GABRA2: variants seen among roughly 807,000 people sequenced by gnomAD.
The protein encoded by GABRA2 is gamma-aminobutyric acid type A receptor subunit alpha2.
A neutral mutation model predicts 48.7 loss-of-function variants in GABRA2; 16 were observed. The ratio of observed to expected loss-of-function variants is 0.33; its 90% CI spans 0.22 to 0.50. The LOEUF is 0.50. Ranked by LOEUF, GABRA2 falls within the 20% of genes least tolerant of loss-of-function variation. GABRA2 has a pLI of 0.98. For missense variants in GABRA2, 275 were observed against 535.6 expected (o/e 0.51, Z 4.80); for synonymous variants, 185 against 184.5 (o/e 1.00, Z -0.02).
chr4:46,361,089 A>C (rs1280672558), intron 3 of GABRA2, among the ~76,000 whole-genome samples: 1 of 152,234 alleles, frequency 6.6e-6, no homozygotes, highest in Non-Finnish European at 1.5e-5. Flanking sequence ...ATGCAATAGA[A>C]AAGAAAATCC....
chr4:46,333,573 G>T (rs1731729168), intron 3 of GABRA2, among the ~76,000 whole-genome samples: 1 of 151,910 alleles, frequency 6.6e-6, no homozygotes, highest in African/African-American at 2.4e-5. Context: ...TATTATACTA[G>T]ACATTAATTT....
At chr4:46,329,152 TA>T (rs1242331520) in intron 4 of GABRA2, among the ~76,000 whole-genome samples, 4 of 152,110 alleles carry the variant, frequency 2.6e-5, no homozygotes, top group Non-Finnish European at 4.4e-5. Flanking sequence ...TTCCCTGTAT[TA>T]CACACTATTA....
chr4:46,295,474 G>A (rs1030659553), intron 8 of GABRA2, among the ~76,000 whole-genome samples: 4 of 152,192 alleles, frequency 2.6e-5, no homozygotes, highest in African/African-American at 9.7e-5. Flanking sequence ...AGCAGAAGAG[G>A]ACTTTAATAA....
At chr4:46,354,723 T>C (rs902969311) in intron 3 of GABRA2, among the ~76,000 whole-genome samples, 5 of 152,194 alleles carry the variant, frequency 3.3e-5, no homozygotes, top group African/African-American at 4.8e-5. Flanking sequence ...CTCAGCTACT[T>C]ACTCTCTTGA....
intron 2 of GABRA2, among the ~76,000 whole-genome samples, chr4:46,386,539 T>C (rs1717485759): frequency 6.6e-6 from 1 of 152,240 alleles, no homozygotes; most frequent in South Asian, 2.1e-4. Flanking sequence ...ATTGCTATTC[T>C]ACAGTTAGAA....
At chr4:46,386,442 A>T (rs1370588723) in intron 2 of GABRA2, among the ~76,000 whole-genome samples, 1 of 152,082 alleles carries the variant, frequency 6.6e-6, no homozygotes, top group East Asian at 1.9e-4. Context: ...CCCCTTTAAC[A>T]TTTTATGTGG....
intron 8 of GABRA2, among the ~76,000 whole-genome samples, chr4:46,302,217 C>G (rs1560499940): frequency 6.6e-6 from 1 of 151,932 alleles, no homozygotes; most frequent in Admixed American, 6.6e-5. Context: ...TATAGGTGTG[C>G]CACCAAGCTT....
intron 4 of GABRA2, among the ~76,000 whole-genome samples, chr4:46,331,464 G>A (rs546887612): frequency 5.3e-5 from 8 of 152,126 alleles, no homozygotes; most frequent in Non-Finnish European, 1.0e-4. Context: ...GTTTATGAAA[G>A]CCTATAAAAA....
intron 4 of GABRA2, among the ~76,000 whole-genome samples, chr4:46,318,493 C>T (rs555491603): frequency 1.3e-5 from 2 of 151,566 alleles, no homozygotes; most frequent in Non-Finnish European, 3.0e-5. Context: ...TCATGTGATT[C>T]CCTTAAATGC....
intron 3 of GABRA2, among the ~76,000 whole-genome samples, chr4:46,385,462 A>T (rs895915067): frequency 1.3e-5 from 2 of 152,018 alleles, no homozygotes; most frequent in African/African-American, 4.8e-5. Context: ...ATTTTTCTGA[A>T]TAAAAAATGT....
intron 3 of GABRA2, among the ~76,000 whole-genome samples, chr4:46,382,730 T>C (rs1440296591): frequency 2.0e-5 from 3 of 152,144 alleles, no homozygotes; most frequent in Admixed American, 2.0e-4. Context: ...ATTATTCCCA[T>C]TTTCCCAAAG....
rs1404563758 is a variant in GABRA2, at chr4:46,244,109, A to C, written c.*6199T>G. The C allele has an allele frequency of 6.6e-6, 1 of 151,556 alleles. No individual in the cohort carries two copies. The highest frequency in any genetic ancestry group is 1.5e-5 in the Non-Finnish European group (1 of 67,648). 9.4% of individuals were successfully genotyped at this position (151,556 alleles called of 1,614,324 possible). On this transcript the variant is annotated 3_prime_UTR_variant, in exon 10 of 10. Coordinates refer to ENST00000381620, the MANE Select transcript of GABRA2 (RefSeq NM_000807.4). Reference sequence around the variant, plus strand: ...CAAGATTAACAAGCAATAAGGACTTAACTGTGGATGGTAAAGTTTAATTCA... The same window carrying C: ...CAAGATTAACAAGCAATAAGGACTTCACTGTGGATGGTAAAGTTTAATTCA...
At chr4:46,292,561 A>G (rs28873227) in intron 8 of GABRA2, among the ~76,000 whole-genome samples, 59,946 of 152,044 alleles carry the variant, frequency 0.39, 12,269 homozygotes, top group East Asian at 0.52. Context: ...GAATTTGTCG[A>G]TTTGGGCGCA....
At chr4:46,368,671 T>G in intron 3 of GABRA2, 1 of 295,902 alleles carries the variant, frequency 3.4e-6, no homozygotes. Flanking sequence ...TCAAGTGTGA[T>G]TTGTTTGGGA....
intron 8 of GABRA2, among the ~76,000 whole-genome samples, chr4:46,273,849 G>C (rs1719968107): frequency 1.3e-5 from 2 of 152,008 alleles, no homozygotes; most frequent in Admixed American, 1.3e-4. Flanking sequence ...ACGGAAAGTG[G>C]AAGAGGGAAG....
intron 3 of GABRA2, among the ~76,000 whole-genome samples, chr4:46,333,808 C>A (rs1458498040): frequency 2.0e-5 from 3 of 152,108 alleles, no homozygotes; most frequent in South Asian, 2.1e-4. Flanking sequence ...AGCAAACTTG[C>A]CAAAGACCCA....
In GABRA2 at chr4:46,250,248, A is replaced by G; in HGVS notation, c.*60T>C. On this transcript the variant is annotated 3_prime_UTR_variant, in exon 10 of 10. Transcript: ENST00000381620. ...TTAGCAGTTATTAGTCAGACTGTACATAGCAAAACAAACCAAATTTAATGT... is the reference window on the plus strand; with the variant it reads ...TTAGCAGTTATTAGTCAGACTGTACGTAGCAAAACAAACCAAATTTAATGT... The G allele has an allele frequency of 7.1e-7, 1 of 1,416,022 alleles. No individual in the cohort carries two copies. Among genetic ancestry groups the G allele is most frequent in the Non-Finnish European group, 9.8e-7 (1 of 1,023,906 alleles). 87.7% of individuals were successfully genotyped at this position (1,416,022 alleles called of 1,614,324 possible). A position where few individuals can be genotyped will look rare whatever the true frequency, so the allele number is the denominator to read the frequency against.
intron 8 of GABRA2, among the ~76,000 whole-genome samples, chr4:46,295,913 A>T (rs998998987): frequency 4.6e-5 from 7 of 152,176 alleles, no homozygotes; most frequent in Non-Finnish European, 1.0e-4. Context: ...CCATTATGGT[A>T]TTCCACACAG....
intron 3 of GABRA2, among the ~76,000 whole-genome samples, chr4:46,362,604 A>T (rs1713388233): frequency 6.6e-6 from 1 of 152,234 alleles, no homozygotes; most frequent in South Asian, 2.1e-4. Flanking sequence ...AGAAAAGCTC[A>T]GGTTGGAAAT....
Sources: allele counts gnomAD v4.1 joint callset (sites outside exome capture counted in the v4.1 genomes callset), GRCh38; gene constraint gnomAD v4.1.1; transcripts MANE v1.5; gene names NCBI Gene and HGNC (gene_info 2026-07-23, HGNC 2026-07-21).